The following PLCB4 variants were observed in gnomAD, a reference collection of about 807,000 sequenced individuals.
PLCB4 encodes the protein phospholipase C beta 4.
In PLCB4, 77 loss-of-function variants were observed where a neutral mutation model predicts 178.8. The observed-to-expected ratio is 0.43, with a 90% CI of 0.36 to 0.52. The LOEUF (loss-of-function observed/expected upper bound fraction) is 0.52, where lower values mean the gene tolerates loss of function less well. PLCB4 is among the 20% of genes least tolerant of loss of function. The pLI is 0.00. For missense variants in PLCB4, 1,024 were observed against 1,453.4 expected (o/e 0.70, Z 4.80); for synonymous variants, 496 against 490.8 (o/e 1.01, Z -0.14).
intron 13 of PLCB4, among the ~76,000 whole-genome samples, chr20:9,381,342 G>A (rs1217085444): frequency 6.6e-6 from 1 of 152,106 alleles, no homozygotes; most frequent in Non-Finnish European, 1.5e-5. Flanking sequence ...GTAAGGTGGT[G>A]GGGCTCATGC....
At chr20:9,274,545 G>A (rs1601555901) in intron 3 of PLCB4, among the ~76,000 whole-genome samples, 1 of 152,062 alleles carries the variant, frequency 6.6e-6, no homozygotes, top group East Asian at 1.9e-4. Context: ...TTTGGGAACA[G>A]CAAAGTTATT....
At chr20:9,264,312 C>T (rs545628612) in intron 3 of PLCB4, among the ~76,000 whole-genome samples, 1 of 152,268 alleles carries the variant, frequency 6.6e-6, no homozygotes, top group Non-Finnish European at 1.5e-5. Flanking sequence ...TACAACCTGC[C>T]ATTATTGTTA....
intron 7 of PLCB4, among the ~76,000 whole-genome samples, chr20:9,350,989 C>T (rs2034283757): frequency 6.6e-6 from 1 of 152,142 alleles, no homozygotes; most frequent in African/African-American, 2.4e-5. Flanking sequence ...TCTGTGGGAG[C>T]TATAGTCATA....
Position 9,242,873 on chromosome 20 carries a change from G to A in PLCB4, c.-16+25421G>A, listed in dbSNP as rs1378904143. ...TCTGCGAGTTAACAGCCCTCCCCAG[G>A]TGATGTTGATGCGTGCTCAATTTGG... On this transcript the variant is annotated intron_variant, in intron 3 of 39. Transcript: ENST00000378473. Among the ~76,000 whole-genome samples, 4 of 152,254 alleles carry A rather than the reference G, an allele frequency of 2.6e-5. 1 individual carries two copies. The highest frequency in any genetic ancestry group is 1.5e-5 in the Non-Finnish European group (1 of 68,026).
intron 2 of PLCB4, among the ~76,000 whole-genome samples, chr20:9,148,966 T>C (rs1300136350): frequency 6.6e-6 from 1 of 152,200 alleles, no homozygotes; most frequent in Non-Finnish European, 1.5e-5. Context: ...TTCTGGAGTA[T>C]GTGGGCCACT....
At chr20:9,408,249 C>T (rs943441207) in intron 22 of PLCB4, among the ~76,000 whole-genome samples, 191 bp downstream of exon 22, 2 of 152,190 alleles carry the variant, frequency 1.3e-5, no homozygotes, top group Non-Finnish European at 2.9e-5. Context: ...TTCACGACTT[C>T]AACCACAAGG....
At chr20:9,082,361 T>A (rs2090194407) in intron 1 of PLCB4, among the ~76,000 whole-genome samples, 2 of 152,196 alleles carry the variant, frequency 1.3e-5, no homozygotes, top group Admixed American at 6.5e-5. Flanking sequence ...TGTTTTATAG[T>A]TCCAAAACCA....
intron 1 of PLCB4, 140 bp downstream of exon 1, chr20:9,069,346 C>G (rs760017198): frequency 2.0e-5 from 3 of 152,164 alleles, no homozygotes; most frequent in Non-Finnish European, 4.4e-5. Flanking sequence ...GTGCAGGTGC[C>G]GGGTGCCAGG....
At chr20:9,415,079 A>G (rs2040150520) in intron 25 of PLCB4, among the ~76,000 whole-genome samples, 1 of 152,234 alleles carries the variant, frequency 6.6e-6, no homozygotes, top group Non-Finnish European at 1.5e-5. Flanking sequence ...ATGACTAATA[A>G]TGGAACAGTT....
intron 1 of PLCB4, among the ~76,000 whole-genome samples, chr20:9,086,005 G>T (rs1274287661): frequency 6.6e-6 from 1 of 152,020 alleles, no homozygotes; most frequent in Non-Finnish European, 1.5e-5. Flanking sequence ...TAAGCAAAAT[G>T]ATATGTTTAA....
intron 4 of PLCB4, among the ~76,000 whole-genome samples, chr20:9,328,012 G>A (rs2030996033): frequency 6.6e-6 from 1 of 152,140 alleles, no homozygotes; most frequent in South Asian, 2.1e-4. Context: ...TGGTGAGTTG[G>A]TTTTTATGCT....
At chr20:9,089,438 A>G (rs1033417663) in intron 1 of PLCB4, among the ~76,000 whole-genome samples, 20 of 152,130 alleles carry the variant, frequency 1.3e-4, no homozygotes, top group African/African-American at 4.8e-4. Flanking sequence ...TAATCTAATT[A>G]TAATAGGTGG....
At chr20:9,152,577 C>G (rs557647450) in intron 2 of PLCB4, among the ~76,000 whole-genome samples, 2 of 152,166 alleles carry the variant, frequency 1.3e-5, no homozygotes, top group African/African-American at 2.4e-5. Context: ...GAAACTTCAC[C>G]TAGATTTCAG....
At chr20:9,248,279 G>A (rs1178523077) in intron 3 of PLCB4, among the ~76,000 whole-genome samples, 5 of 152,026 alleles carry the variant, frequency 3.3e-5, no homozygotes, top group African/African-American at 1.2e-4. Context: ...TCACTTGAAC[G>A]CCAGCATTTT....
intron 29 of PLCB4, 29 bp from the exon 30 acceptor site, chr20:9,436,973 T>C (rs746748987): frequency 3.1e-6 from 5 of 1,609,246 alleles, no homozygotes; most frequent in Non-Finnish European, 4.3e-6. Context: ...TGACATTCAT[T>C]TGGGTCAATG....
intron 3 of PLCB4, among the ~76,000 whole-genome samples, chr20:9,245,736 G>GTTT: frequency 8.5e-6 from 1 of 117,822 alleles, no homozygotes; most frequent in African/African-American, 3.8e-5. Flanking sequence ...ATATCTGGTG[G>GTTT]GTTTTTTTTT....
At chr20:9,090,579 T>C (rs1294205758) in intron 1 of PLCB4, among the ~76,000 whole-genome samples, 8 of 151,106 alleles carry the variant, frequency 5.3e-5, no homozygotes, top group African/African-American at 1.9e-4. Flanking sequence ...TGCAGAATAC[T>C]CTGTGTTACT....
intron 9 of PLCB4, among the ~76,000 whole-genome samples, chr20:9,366,402 A>C (rs2035787410): frequency 6.6e-6 from 1 of 151,214 alleles, no homozygotes; most frequent in African/African-American, 2.4e-5. Context: ...ATCTCAAAAA[A>C]AAAAAAAAAA....
intron 1 of PLCB4, among the ~76,000 whole-genome samples, chr20:9,092,119 AT>A (rs1211825010): frequency 6.6e-6 from 1 of 152,032 alleles, no homozygotes; most frequent in Non-Finnish European, 1.5e-5. Flanking sequence ...TTTTTTAGTG[AT>A]GTTCCATTTC....
Sources: gnomAD v4.1 joint callset for allele counts (sites outside exome capture counted in the v4.1 genomes callset) on GRCh38, gnomAD v4.1.1 for gene constraint, MANE v1.5 for transcripts, NCBI Gene and HGNC (gene_info 2026-07-23, HGNC 2026-07-21) for gene names.